SEMA3A: variants seen among roughly 807,000 people sequenced by gnomAD.
SEMA3A encodes semaphorin-3A.
A neutral mutation model predicts 97.9 loss-of-function variants in SEMA3A; 29 were observed. That is an observed-to-expected ratio of 0.30 (90% confidence interval 0.22 to 0.40). The LOEUF (loss-of-function observed/expected upper bound fraction) is 0.40, where lower values mean the gene tolerates loss of function less well. SEMA3A is among the 10% of genes least tolerant of loss of function. The probability of loss-of-function intolerance (pLI) is 1.00; values close to 1 mark genes in which losing one functional copy is unlikely to be tolerated. For synonymous variants in SEMA3A, 321 were observed against 323.7 expected, an observed-to-expected ratio of 0.99 and a Z score of 0.09; for missense variants, 763 against 951.3, an observed-to-expected ratio of 0.80 and a Z score of 2.60.
At position 84,134,900 on chromosome 7, in the gene SEMA3A, G is replaced by C. The variant is rs373386908; in HGVS notation, c.164C>G (p.Ser55Cys). 1.6e-5 allele frequency: 26 copies of C among 1,613,758 alleles called. No individual in the cohort carries two copies. Among genetic ancestry groups the C allele is most frequent in the Non-Finnish European group, 2.0e-5 (24 of 1,179,912 alleles). ...ATCCAAAAGGAAGGTATGATAACTGGAGCTGTTGGCCAAGCCATTGAAAGT... is the reference window on the plus strand; with the variant it reads ...ATCCAAAAGGAAGGTATGATAACTGCAGCTGTTGGCCAAGCCATTGAAAGT... ...VITFNGLANS[S>C]SYHTFLLDEE... Residue 55 changes from serine (S) to cysteine (C), a missense_variant, in exon 2 of 17, where the codon TCC becomes TGC. By Grantham distance (112) the Ser-to-Cys change is moderately radical (BLOSUM62 -1). Around this residue, in one of 2 missense-constraint regions of SEMA3A, gnomAD observed 85 missense variants for 70.0 expected, o/e 1.21. Transcript: ENST00000265362.
At chr7:84,133,083 A>AG in intron 2 of SEMA3A, among the ~76,000 whole-genome samples, 1 of 152,332 alleles carries the variant, frequency 6.6e-6, no homozygotes, top group African/African-American at 2.4e-5. Context: ...TTATCATTTC[A>AG]GAAAAACAAA....
intron 3 of SEMA3A, among the ~76,000 whole-genome samples, chr7:84,277,877 C>T (rs1800348427): frequency 6.6e-6 from 1 of 152,038 alleles, no homozygotes; most frequent in African/African-American, 2.4e-5. Flanking sequence ...ATTTGGCTTC[C>T]TTTTTGTTAT....
chr7:84,319,875 A>G (rs1216598412), intron 2 of SEMA3A, among the ~76,000 whole-genome samples: 1 of 152,188 alleles, frequency 6.6e-6, no homozygotes, highest in Non-Finnish European at 1.5e-5. Flanking sequence ...AATTTTCACA[A>G]TATAATGGAT....
intron 1 of SEMA3A, among the ~76,000 whole-genome samples, chr7:84,473,396 T>A (rs1211623729): frequency 6.8e-6 from 1 of 146,076 alleles, no homozygotes; most frequent in Non-Finnish European, 1.5e-5. Flanking sequence ...ATTATAATAT[T>A]ATTATTATTA....
intron 1 of SEMA3A, among the ~76,000 whole-genome samples, chr7:84,432,513 T>C (rs1805007717): frequency 6.6e-6 from 1 of 152,148 alleles, no homozygotes; most frequent in South Asian, 2.1e-4. Flanking sequence ...TAATACTCAA[T>C]AGTTTTTCAA....
intron 3 of SEMA3A, among the ~76,000 whole-genome samples, chr7:84,260,729 G>T (rs534225469): frequency 4.6e-5 from 7 of 152,300 alleles, no homozygotes; most frequent in East Asian, 3.9e-4. Flanking sequence ...GGAGGCCAAG[G>T]GGGGGACTGA....
intron 3 of SEMA3A, among the ~76,000 whole-genome samples, chr7:84,117,311 A>C (rs947019410): frequency 1.3e-5 from 2 of 152,216 alleles, no homozygotes; most frequent in Non-Finnish European, 2.9e-5. Context: ...GGATATTTGC[A>C]TTTGAAAAGG....
intron 3 of SEMA3A, among the ~76,000 whole-genome samples, chr7:84,205,565 T>C (rs1298623467): frequency 6.6e-6 from 1 of 152,202 alleles, no homozygotes; most frequent in Non-Finnish European, 1.5e-5. Flanking sequence ...CATGTCCATA[T>C]TTATTTTTTC....
chr7:84,415,238 A>G (rs1188891939), intron 1 of SEMA3A, among the ~76,000 whole-genome samples: 3 of 152,096 alleles, frequency 2.0e-5, no homozygotes, highest in African/African-American at 7.2e-5. Context: ...CTGTGTTAAA[A>G]AATCTGTTTC....
At chr7:84,008,213 A>T (rs1004742312) in intron 9 of SEMA3A, among the ~76,000 whole-genome samples, 2 of 152,176 alleles carry the variant, frequency 1.3e-5, no homozygotes, top group African/African-American at 2.4e-5. Context: ...ATTTTATGGC[A>T]GGGCGCGGTG....
At chr7:84,086,784 A>T (rs1267037075) in intron 4 of SEMA3A, among the ~76,000 whole-genome samples, 3 of 150,778 alleles carry the variant, frequency 2.0e-5, no homozygotes, top group African/African-American at 7.3e-5. Context: ...GGCTGTGATT[A>T]CATCAGCTAG....
At position 84,312,917 on chromosome 7, in the gene SEMA3A, T is replaced by TACACACAC. The variant is rs1220435467; in HGVS notation, c.-168-5626_-168-5625insGTGTGTGT. On this transcript the variant is annotated intron_variant, in intron 2 of 3. Coordinates refer to the SEMA3A transcript ENST00000424555. ...ATATATATATATATATATATATATA[T>TACACACAC]ATATACACACACACACACACACACA... Among the ~76,000 whole-genome samples, 4 of 38,270 alleles carry TACACACAC rather than the reference T, an allele frequency of 1.0e-4. 1 individual carries two copies. Among genetic ancestry groups the TACACACAC allele is most frequent in the African/African-American group, 1.5e-4 (2 of 13,006 alleles). 25.1% of individuals were successfully genotyped at this position (38,270 alleles called of 152,430 possible). A position where few individuals can be genotyped will look rare whatever the true frequency, so the allele number is the denominator to read the frequency against.
At chr7:84,240,381 G>T (rs1292038364) in intron 3 of SEMA3A, among the ~76,000 whole-genome samples, 1 of 151,094 alleles carries the variant, frequency 6.6e-6, no homozygotes, top group Non-Finnish European at 1.5e-5. Context: ...TCCCTGTTTG[G>T]TCCCTAAATG....
intron 12 of SEMA3A, among the ~76,000 whole-genome samples, chr7:83,992,670 T>G (rs7808766): frequency 6.6e-6 from 1 of 150,628 alleles, no homozygotes; most frequent in Middle Eastern, 3.4e-3. Context: ...TTGATTGCAC[T>G]GTGGTCTGAG....
In SEMA3A at chr7:84,154,679, GAAAAAAAAAAACAA is replaced by G. The variant is rs767937715; in HGVS notation, c.113-19742_113-19729del. On this transcript the variant is annotated intron_variant, in intron 1 of 16. Transcript: ENST00000265362. The stretch of plus-strand genomic sequence containing the variant: ...CGACAGAGCAAGACTTAGTCTCAGG[GAAAAAAAAAAACAA>G]AAAAAAAAAACAAAAAAAAGACAGA... 4.3e-3 allele frequency among the ~76,000 whole-genome samples: 487 copies of G among 112,198 alleles called. 3 individuals are homozygous for G. Among genetic ancestry groups the G allele is most frequent in the African/African-American group, 0.015 (450 of 29,384 alleles). 73.6% of individuals were successfully genotyped at this position (112,198 alleles called of 152,430 possible). A position where few individuals can be genotyped will look rare whatever the true frequency, so the allele number is the denominator to read the frequency against.
intron 3 of SEMA3A, among the ~76,000 whole-genome samples, chr7:84,283,712 A>C (rs1800511557): frequency 6.6e-6 from 1 of 152,120 alleles, no homozygotes; most frequent in Admixed American, 6.6e-5. Context: ...ATAAAATAAT[A>C]AGAGACTTGG....
intron 2 of SEMA3A, among the ~76,000 whole-genome samples, chr7:84,370,183 C>T (rs756915544): frequency 6.6e-6 from 1 of 151,360 alleles, no homozygotes; most frequent in Non-Finnish European, 1.5e-5. Flanking sequence ...ATTCTGCAGG[C>T]AAAGGAAGCA....
chr7:84,181,393 T>C (rs1797734504), intron 1 of SEMA3A, among the ~76,000 whole-genome samples: 1 of 150,948 alleles, frequency 6.6e-6, no homozygotes, highest in African/African-American at 2.4e-5. Flanking sequence ...ATTGATATCA[T>C]GCTAAAAGAA....
chr7:84,136,934 A>G (rs1274189285), intron 1 of SEMA3A, among the ~76,000 whole-genome samples: 2 of 144,464 alleles, frequency 1.4e-5, no homozygotes, highest in African/African-American at 2.5e-5. Flanking sequence ...GGGAGGAAGG[A>G]AGGGAGGGAG....
Sources: gnomAD v4.1 joint callset for allele counts (sites outside exome capture counted in the v4.1 genomes callset) on GRCh38, gnomAD v4.1.1 for gene constraint, gnomAD v4.1.1 regional missense constraint, MANE v1.5 for transcripts, NCBI Gene and HGNC (gene_info 2026-07-23, HGNC 2026-07-21) for gene names.